EPHA6: variants seen among roughly 807,000 people sequenced by gnomAD.
EPHA6 encodes the protein EPH receptor A6.
In EPHA6, 50 loss-of-function variants were observed where a neutral mutation model predicts 112.0. The ratio of observed to expected loss-of-function variants is 0.45; its 90% confidence interval spans 0.36 to 0.56. The LOEUF is 0.56. Ranked by LOEUF, EPHA6 falls within the 20% of genes least tolerant of loss-of-function variation. The pLI is 0.00. For missense variants in EPHA6, 1,280 were observed against 1,417.4 expected, an observed-to-expected ratio of 0.90 and a Z score of 1.56; for synonymous variants, 529 against 490.7, an observed-to-expected ratio of 1.08 and a Z score of -1.03.
intron 2 of EPHA6, among the ~76,000 whole-genome samples, chr3:96,921,484 C>T (rs565599541): frequency 6.6e-6 from 1 of 152,090 alleles, no homozygotes. Flanking sequence ...TGGGTAATCT[C>T]TCAGTGCCTT....
chr3:97,270,467 T>G (rs1333271156), intron 5 of EPHA6, among the ~76,000 whole-genome samples: 3 of 152,230 alleles, frequency 2.0e-5, no homozygotes, highest in Non-Finnish European at 2.9e-5. Context: ...AATCTTAGCT[T>G]GCTATAGGGT....
At chr3:97,129,182 A>C (rs2108322082) in intron 3 of EPHA6, among the ~76,000 whole-genome samples, 1 of 152,230 alleles carries the variant, frequency 6.6e-6, no homozygotes, top group South Asian at 2.1e-4. Flanking sequence ...AGTAACACAG[A>C]CATCACTTCC....
At chr3:97,632,785 G>A (rs1169449210) in intron 13 of EPHA6, among the ~76,000 whole-genome samples, 1 of 152,092 alleles carries the variant, frequency 6.6e-6, no homozygotes, top group Non-Finnish European at 1.5e-5. Context: ...GAAGATATGA[G>A]CAAGGGTCAG....
intron 15 of EPHA6, among the ~76,000 whole-genome samples, chr3:97,726,362 C>G (rs1304000348): frequency 6.6e-6 from 1 of 152,090 alleles, no homozygotes; most frequent in African/African-American, 2.4e-5. Context: ...ATGCATGCTC[C>G]TCTATCACAA....
At chr3:97,746,969 G>C (rs1222286480) in intron 16 of EPHA6, among the ~76,000 whole-genome samples, 2 of 151,898 alleles carry the variant, frequency 1.3e-5, no homozygotes, top group Non-Finnish European at 2.9e-5. Context: ...AGCAAATGTA[G>C]AAAAGGACAT....
At chr3:97,528,436 G>C (rs1255391921) in intron 10 of EPHA6, among the ~76,000 whole-genome samples, 2 of 152,106 alleles carry the variant, frequency 1.3e-5, no homozygotes, top group Non-Finnish European at 2.9e-5. Context: ...ACATAGAGAA[G>C]AACTGAGGAG....
At chr3:97,050,805 T>C (rs1349804464) in intron 3 of EPHA6, among the ~76,000 whole-genome samples, 1 of 152,192 alleles carries the variant, frequency 6.6e-6, no homozygotes, top group Non-Finnish European at 1.5e-5. Flanking sequence ...TGTTCTTTTG[T>C]TGAGTACTAC....
At chr3:97,016,438 A>G (rs1246673594) in intron 3 of EPHA6, among the ~76,000 whole-genome samples, 1 of 152,138 alleles carries the variant, frequency 6.6e-6, no homozygotes, top group Non-Finnish European at 1.5e-5. Flanking sequence ...AAAAAAGTAA[A>G]TTAAATATAA....
At chr3:97,492,611 A>G (rs1158320358) in intron 10 of EPHA6, among the ~76,000 whole-genome samples, 24 of 145,674 alleles carry the variant, frequency 1.6e-4, no homozygotes, top group Admixed American at 7.0e-5. Flanking sequence ...ATAATGTAGC[A>G]TCTCAGACTC....
intron 2 of EPHA6, among the ~76,000 whole-genome samples, chr3:96,948,600 T>G (rs1037088300): frequency 6.6e-6 from 1 of 152,180 alleles, no homozygotes; most frequent in African/African-American, 2.4e-5. Flanking sequence ...ATTATATAGA[T>G]TCGTGGTAAA....
At chr3:97,128,168 A>G (rs1287966114) in intron 3 of EPHA6, among the ~76,000 whole-genome samples, 3 of 152,056 alleles carry the variant, frequency 2.0e-5, no homozygotes, top group Non-Finnish European at 4.4e-5. Context: ...GTACCACCCA[A>G]GTTGCTGCAA....
At chr3:97,527,142 G>A (rs1329481654) in intron 10 of EPHA6, among the ~76,000 whole-genome samples, 1 of 152,144 alleles carries the variant, frequency 6.6e-6, no homozygotes, top group African/African-American at 2.4e-5. Context: ...GTCTGTCTGT[G>A]AAGCACTAAT....
Position 97,500,877 on chromosome 3 carries a change from G to A in EPHA6, c.2200+16818G>A, listed in dbSNP as rs141359416. 6.5e-3 allele frequency among the ~76,000 whole-genome samples: 993 copies of A among 151,932 alleles called. 12 individuals carry two copies. The highest frequency in any genetic ancestry group is 0.022 in the African/African-American group (913 of 41,402). On this transcript the variant is annotated intron_variant, in intron 10 of 17. Coordinates refer to ENST00000389672, the MANE Select transcript of EPHA6 (RefSeq NM_001080448.3). The stretch of plus-strand genomic sequence containing the variant: ...ACCTTTAAAATGGTAGCTAATTCTT[G>A]GCTACTATTATCTTCATATAATAGG...
chr3:97,002,279 A>G (rs1490447895), intron 3 of EPHA6, among the ~76,000 whole-genome samples: 2 of 151,616 alleles, frequency 1.3e-5, no homozygotes, highest in African/African-American at 4.8e-5. Context: ...ATTTATATAT[A>G]GATTGCTATT....
At chr3:97,259,147 T>C (rs1428450267) in intron 5 of EPHA6, among the ~76,000 whole-genome samples, 1 of 152,036 alleles carries the variant, frequency 6.6e-6, no homozygotes, top group Non-Finnish European at 1.5e-5. Context: ...ATCCTTTGAC[T>C]CAGAAGAAAA....
intron 2 of EPHA6, among the ~76,000 whole-genome samples, chr3:96,891,159 A>G (rs2037935313): frequency 6.6e-6 from 1 of 152,240 alleles, no homozygotes; most frequent in East Asian, 1.9e-4. Context: ...AGAAATGTGT[A>G]TACATCTTTA....
At chr3:97,462,837 C>A (rs1245461177) in intron 7 of EPHA6, among the ~76,000 whole-genome samples, 1 of 152,130 alleles carries the variant, frequency 6.6e-6, no homozygotes, top group African/African-American at 2.4e-5. Flanking sequence ...ATCTGACAGA[C>A]AAACAGAGCA....
At chr3:96,860,660 G>A (rs1474179344) in intron 1 of EPHA6, among the ~76,000 whole-genome samples, 2 of 152,076 alleles carry the variant, frequency 1.3e-5, no homozygotes, top group Non-Finnish European at 2.9e-5. Flanking sequence ...TGGGGAACAT[G>A]TTCAATGGTT....
chr3:97,037,670 A>G (rs2108041271), intron 3 of EPHA6, among the ~76,000 whole-genome samples: 1 of 152,150 alleles, frequency 6.6e-6, no homozygotes, highest in African/African-American at 2.4e-5. Context: ...TGAAAAGAGG[A>G]GAGCGGATCA....
Sources: allele counts gnomAD v4.1 joint callset (sites outside exome capture counted in the v4.1 genomes callset), GRCh38; gene constraint gnomAD v4.1.1; transcripts MANE v1.5; gene names NCBI Gene and HGNC (gene_info 2026-07-23, HGNC 2026-07-21).